VTI1A: variants seen among roughly 807,000 people sequenced by gnomAD.
VTI1A encodes the protein vesicle transport through interaction with t-SNAREs homolog 1A.
Under a neutral mutation model 34.9 loss-of-function variants are expected in VTI1A, and 22 were observed. That is an observed-to-expected ratio of 0.63 (90% confidence interval 0.45 to 0.90). The LOEUF (loss-of-function observed/expected upper bound fraction) is 0.90, where lower values mean the gene tolerates loss of function less well. VTI1A is among the 40% of genes least tolerant of loss of function. The probability of loss-of-function intolerance (pLI) is 0.00; values close to 1 mark genes in which losing one functional copy is unlikely to be tolerated. For synonymous variants in VTI1A, 87 were observed against 97.3 expected (o/e 0.89, Z 0.62); for missense variants, 268 against 275.6 (o/e 0.97, Z 0.20).
chr10:112,671,081 A>G lies in VTI1A; in HGVS notation c.560+2083A>G, dbSNP rs545011223. On this transcript the variant is annotated intron_variant, in intron 7 of 7. Coordinates refer to ENST00000393077, the MANE Select transcript of VTI1A (RefSeq NM_145206.4). The stretch of plus-strand genomic sequence containing the variant: ...TTGAAAAGGCACAAACATTTTGCCA[A>G]CCTCTCTGCTTCATTATTTTGGTTA... Among the ~76,000 whole-genome samples the G allele has an allele frequency of 5.9e-5, 9 of 152,330 alleles. No homozygotes were observed. In the South Asian group the frequency reaches 1.0e-3, roughly 18 times the overall value.
At chr10:112,809,456 C>A (rs1853208333) in intron 7 of VTI1A, among the ~76,000 whole-genome samples, 2 of 152,176 alleles carry the variant, frequency 1.3e-5, no homozygotes. Flanking sequence ...TCTGTCAGAC[C>A]CCAAAAGTGG....
In VTI1A at chr10:112,762,349, C is replaced by CT. The variant is rs552060012; in HGVS notation, c.561-52931dup. 1.4e-3 allele frequency among the ~76,000 whole-genome samples: 204 copies of CT among 150,246 alleles called. 1 individual carries two copies. Among genetic ancestry groups the CT allele is most frequent in the African/African-American group, 4.6e-3 (187 of 41,002 alleles). ...AAGTTGGACAAAAGTAGGCTGAGAA[C>CT]TTTTTTTTTTCTCCTGAATGGAAAG... On this transcript the variant is annotated intron_variant, in intron 7 of 7. Coordinates refer to ENST00000393077, the MANE Select transcript of VTI1A (RefSeq NM_145206.4).
At chr10:112,646,870 T>G (rs903567389) in intron 5 of VTI1A, among the ~76,000 whole-genome samples, 1 of 152,210 alleles carries the variant, frequency 6.6e-6, no homozygotes, top group African/African-American at 2.4e-5. Flanking sequence ...TTAGCACTTG[T>G]GCAATGTGCT....
At chr10:112,483,447 T>G (rs1848516727) in intron 3 of VTI1A, among the ~76,000 whole-genome samples, 1 of 152,234 alleles carries the variant, frequency 6.6e-6, no homozygotes, top group African/African-American at 2.4e-5. Flanking sequence ...AAAGTCAGGA[T>G]GCTGCCTTTT....
chr10:112,677,162 G>C (rs1037621744), intron 7 of VTI1A, among the ~76,000 whole-genome samples: 4 of 152,180 alleles, frequency 2.6e-5, no homozygotes, highest in Non-Finnish European at 5.9e-5. Context: ...ATGAGGCATA[G>C]TCCCCTCAGA....
At chr10:112,565,888 A>G (rs1851890256) in intron 5 of VTI1A, among the ~76,000 whole-genome samples, 1 of 152,118 alleles carries the variant, frequency 6.6e-6, no homozygotes, top group South Asian at 2.1e-4. Context: ...AAAAGTTTTT[A>G]TTTACTATTT....
chr10:112,589,086 G>T (rs1469961689), intron 5 of VTI1A, among the ~76,000 whole-genome samples: 1 of 140,606 alleles, frequency 7.1e-6, no homozygotes, highest in East Asian at 2.1e-4. Flanking sequence ...GCTGGTAAAA[G>T]AACTATTTTG....
intron 5 of VTI1A, among the ~76,000 whole-genome samples, chr10:112,653,836 TC>T (rs1235138618): frequency 6.6e-6 from 1 of 152,080 alleles, no homozygotes; most frequent in African/African-American, 2.4e-5. Flanking sequence ...CGTGCTTGTT[TC>T]CCCCCCAAAA....
In VTI1A at chr10:112,527,013, GATACCAATAAAGCTTGGAA is replaced by G; in HGVS notation, c.265-73_265-55del. ...GCTCTCGAGGTTTGAGATCAGCCTT[GATACCAATAAAGCTTGGAA>G]GCTTTTACTTTCTAACGTTCCTCTC... On this transcript the variant is annotated intron_variant, in intron 3 of 7. Coordinates refer to ENST00000393077, the MANE Select transcript of VTI1A (RefSeq NM_145206.4). 6 of 1,479,674 alleles carry G rather than the reference GATACCAATAAAGCTTGGAA, an allele frequency of 4.1e-6. No individual in the cohort carries two copies. The South Asian group carries it at 5.9e-5, about 15-fold the overall frequency. The allele number at this position is 1,479,674 out of a possible 1,614,324, so 91.7% of individuals were successfully genotyped here.
intron 5 of VTI1A, among the ~76,000 whole-genome samples, chr10:112,610,175 C>CT (rs11333912): frequency 2.7e-5 from 4 of 146,078 alleles, no homozygotes; most frequent in South Asian, 2.2e-4. Flanking sequence ...CTTTTCCAGT[C>CT]TTTTTTTTTT....
At chr10:112,689,605 G>A (rs974652088) in intron 7 of VTI1A, among the ~76,000 whole-genome samples, 3 of 152,162 alleles carry the variant, frequency 2.0e-5, no homozygotes, top group East Asian at 1.9e-4. Context: ...CCCAGCCCTG[G>A]GGAGGATGAT....
intron 3 of VTI1A, among the ~76,000 whole-genome samples, chr10:112,521,461 A>G (rs1000339730): frequency 1.3e-5 from 2 of 152,062 alleles, no homozygotes; most frequent in Admixed American, 6.6e-5. Context: ...ATCAACTACA[A>G]TTTAGTTGAA....
intron 3 of VTI1A, among the ~76,000 whole-genome samples, chr10:112,467,258 G>C (rs1459267031): frequency 2.0e-5 from 3 of 151,600 alleles, no homozygotes; most frequent in Non-Finnish European, 4.4e-5. Flanking sequence ...AGTCCTTTAG[G>C]TATTTGGAAA....
chr10:112,515,567 G>A (rs1214424569), intron 3 of VTI1A, among the ~76,000 whole-genome samples: 1 of 151,940 alleles, frequency 6.6e-6, no homozygotes. Context: ...TAGGCCTAAG[G>A]AGAATTATGG....
At chr10:112,469,387 G>T (rs1335476951) in intron 3 of VTI1A, among the ~76,000 whole-genome samples, 3 of 151,966 alleles carry the variant, frequency 2.0e-5, no homozygotes, top group Non-Finnish European at 4.4e-5. Context: ...TGGCTCCTTG[G>T]AGGGCCACAC....
chr10:112,628,044 A>G (rs541189763), intron 5 of VTI1A, among the ~76,000 whole-genome samples: 2 of 152,194 alleles, frequency 1.3e-5, no homozygotes, highest in African/African-American at 2.4e-5. Flanking sequence ...GCAAAACCAC[A>G]CGTTTTTCTT....
chr10:112,773,821 A>T (rs1014743028), intron 7 of VTI1A, among the ~76,000 whole-genome samples: 5 of 152,214 alleles, frequency 3.3e-5, no homozygotes, highest in Non-Finnish European at 7.3e-5. Context: ...TGTTGCCAGG[A>T]TCTAATATCT....
intron 5 of VTI1A, among the ~76,000 whole-genome samples, chr10:112,572,166 T>C (rs1423944245): frequency 1.3e-5 from 2 of 152,212 alleles, no homozygotes; most frequent in African/African-American, 4.8e-5. Context: ...AGTGGTTGAT[T>C]GTAGAATTCT....
At chr10:112,645,515 AGGCGTC>A (rs1846738584) in intron 5 of VTI1A, among the ~76,000 whole-genome samples, 1 of 152,200 alleles carries the variant, frequency 6.6e-6, no homozygotes, top group East Asian at 1.9e-4. Context: ...TCATTGAAGA[AGGCGTC>A]CACACTAATT....
Sources: allele counts gnomAD v4.1 joint callset (sites outside exome capture counted in the v4.1 genomes callset), GRCh38; gene constraint gnomAD v4.1.1; transcripts MANE v1.5; gene names NCBI Gene and HGNC (gene_info 2026-07-23, HGNC 2026-07-21).